Variants in GATA4 observed in about 807,000 individuals in gnomAD.
GATA4 encodes the protein transcription factor GATA-4.
A neutral mutation model predicts 37.9 loss-of-function variants in GATA4; 7 were observed. The ratio of observed to expected loss-of-function variants is 0.18; its 90% CI spans 0.11 to 0.35. The LOEUF is 0.35. Among genes scored for constraint, GATA4 ranks in the 10% least tolerant of loss-of-function variants. GATA4 has a pLI of 1.00. For synonymous variants in GATA4, 372 were observed against 292.6 expected (o/e 1.27, Z -2.77); for missense variants, 647 against 653.0 (o/e 0.99, Z 0.10).
intron 2 of GATA4, among the ~76,000 whole-genome samples, chr8:11,720,340 G>T (rs1285083624): frequency 2.0e-5 from 3 of 152,044 alleles, no homozygotes; most frequent in Admixed American, 2.0e-4. Context: ...TGCCTGCGTG[G>T]ACATCAAACT....
At chr8:11,704,057 G>A (rs1428572018), upstream of GATA4, 1 of 152,272 alleles carries the variant, frequency 6.6e-6, no homozygotes, top group Non-Finnish European at 1.5e-5. Flanking sequence ...CCTGCTGGGG[G>A]AGCTTTCCGC....
At chr8:11,692,846 G>A (rs1427953993) in intron 1 of GATA4, 4 of 980,116 alleles carry the variant, frequency 4.1e-6, no homozygotes, top group African/African-American at 1.8e-5. Flanking sequence ...GCGGCCGGCC[G>A]GGGGCTGACC....
At chr8:11,733,371 G>A (rs191542459) in intron 2 of GATA4, among the ~76,000 whole-genome samples, 1 of 152,292 alleles carries the variant, frequency 6.6e-6, no homozygotes, top group East Asian at 1.9e-4. Context: ...CTTAAGAAAG[G>A]GGAACTTGCC....
chr8:11,710,794 A>G (rs1800146786), intron 2 of GATA4, among the ~76,000 whole-genome samples: 1 of 151,950 alleles, frequency 6.6e-6, no homozygotes, highest in Admixed American at 6.6e-5. Flanking sequence ...AAAAGAGAGA[A>G]GTTAAAAGTC....
chr8:11,751,550 A>T (rs988558542), intron 4 of GATA4, among the ~76,000 whole-genome samples: 1 of 152,210 alleles, frequency 6.6e-6, no homozygotes, highest in South Asian at 2.1e-4. Flanking sequence ...TTAATTGTTC[A>T]AATACAAGTT....
At chr8:11,754,897 T>C in intron 4 of GATA4, 149 bp from the exon 5 acceptor site, 1 of 671,960 alleles carries the variant, frequency 1.5e-6, no homozygotes, top group South Asian at 1.6e-5. Flanking sequence ...TCTCGCTGAG[T>C]TCCAGGGGCC....
Position 11,708,080 on chromosome 8 carries a change from A to G in GATA4, c.-233A>G, listed in dbSNP as rs1249969739. The G allele has an allele frequency of 8.1e-6, 5 of 616,062 alleles. No individual in the cohort carries two copies. The highest frequency in any genetic ancestry group is 5.4e-5 in the South Asian group (3 of 55,376). 38.2% of individuals were successfully genotyped at this position (616,062 alleles called of 1,614,324 possible). Reference sequence around the variant, plus strand: ...CCTACATCAGCTTCCGGAACCACCAAAAATTCAAATTGGGATTTTCCGGAG... The same window carrying G: ...CCTACATCAGCTTCCGGAACCACCAGAAATTCAAATTGGGATTTTCCGGAG... On this transcript the variant is annotated 5_prime_UTR_variant, in exon 2 of 7. Transcript: ENST00000532059. The surrounding 1 kb of genome is among the most constrained non-coding windows in gnomAD (Gnocchi z 6.7).
At chr8:11,715,436 G>T (rs1311470807) in intron 2 of GATA4, among the ~76,000 whole-genome samples, 1 of 152,140 alleles carries the variant, frequency 6.6e-6, no homozygotes, top group Non-Finnish European at 1.5e-5. Flanking sequence ...GGAAGTTAAA[G>T]TTAAGTTTAA....
At chr8:11,683,067 C>T (rs1799025081) in intron 1 of GATA4, 1 of 985,336 alleles carries the variant, frequency 1.0e-6, no homozygotes. Context: ...TGTCTCTTAC[C>T]CCCTAGGTTT....
At chr8:11,691,462 C>T (rs183472929), upstream of GATA4, among the ~76,000 whole-genome samples, 18 of 152,288 alleles carry the variant, frequency 1.2e-4, no homozygotes, top group African/African-American at 4.3e-4. Context: ...CACCACAACC[C>T]GCTATGTTTT....
chr8:11,688,524 GCACA>G (rs56159918), upstream of GATA4, among the ~76,000 whole-genome samples: 89 of 149,636 alleles, frequency 5.9e-4, no homozygotes, highest in South Asian at 2.8e-3. Flanking sequence ...GTGCGCGCAT[GCACA>G]CACACACACA....
upstream of GATA4, among the ~76,000 whole-genome samples, chr8:11,702,281 C>T (rs1799702302): frequency 6.6e-6 from 1 of 152,082 alleles, no homozygotes; most frequent in South Asian, 2.1e-4. This position sits in a 1 kb window ranked among gnomAD's most constrained non-coding sequence, Gnocchi z 4.4. Context: ...CAGACTCAGC[C>T]CTTTTCGCCC....
intron 5 of GATA4, among the ~76,000 whole-genome samples, chr8:11,755,909 TAA>T (rs34801514): frequency 9.0e-5 from 13 of 143,758 alleles, no homozygotes; most frequent in Non-Finnish European, 9.2e-5. Context: ...ACCCTGTCTT[TAA>T]AAAAAAAAAA....
chr8:11,727,578 C>A (rs755062539), intron 2 of GATA4, among the ~76,000 whole-genome samples: 2 of 152,024 alleles, frequency 1.3e-5, no homozygotes, highest in African/African-American at 2.4e-5. Context: ...TGCGGTGGCT[C>A]ACACCTGTAA....
In GATA4 at chr8:11,709,575, C is replaced by CGGGGGGGGG. The variant is rs780683869; in HGVS notation, c.616+650_616+658dup. ...GCGCGTGGGCGCATCATGCGGGCAGCGGGGGGGGGGGCGCACACGCCCGGT... is the reference window on the plus strand; with the variant it reads ...GCGCGTGGGCGCATCATGCGGGCAGCGGGGGGGGGGGGGGGGGGGGCGCACACGCCCGGT... On this transcript the variant is annotated intron_variant, in intron 2 of 6. Coordinates refer to ENST00000532059, the MANE Select transcript of GATA4 (RefSeq NM_001308093.3). This position sits in a 1 kb window ranked among gnomAD's most constrained non-coding sequence, Gnocchi z 4.3. Among the ~76,000 whole-genome samples the CGGGGGGGGG allele has an allele frequency of 5.3e-5, 5 of 93,854 alleles. No individual in the cohort carries two copies. The highest frequency in any genetic ancestry group is 3.4e-4 in the African/African-American group (5 of 14,594). The allele number at this position is 93,854 out of a possible 152,430, so 61.6% of individuals were successfully genotyped here. A position where few individuals can be genotyped will look rare whatever the true frequency, so the allele number is the denominator to read the frequency against.
upstream of GATA4, among the ~76,000 whole-genome samples, chr8:11,703,152 C>G (rs567582526): frequency 3.3e-5 from 5 of 151,808 alleles, no homozygotes; most frequent in East Asian, 1.9e-4. Flanking sequence ...TTGAGAAGCC[C>G]GTGCTGGAGA....
intron 5 of GATA4, among the ~76,000 whole-genome samples, chr8:11,755,700 A>G (rs917629508): frequency 6.6e-6 from 1 of 152,224 alleles, no homozygotes; most frequent in Non-Finnish European, 1.5e-5. Context: ...CATAGAGGAC[A>G]ATGATTTAAC....
At chr8:11,704,327 C>G (rs1225729086) in intron 1 of GATA4, 23 bp downstream of exon 1, 1 of 152,310 alleles carries the variant, frequency 6.6e-6, no homozygotes. Context: ...TCTTCCCTTT[C>G]TTTGCTCCTT....
chr8:11,690,070 T>C (rs1799261138), upstream of GATA4, among the ~76,000 whole-genome samples: 1 of 152,212 alleles, frequency 6.6e-6, no homozygotes, highest in Admixed American at 6.5e-5. Context: ...ATACCAGGGC[T>C]CCACATCAGT....
Sources: allele counts gnomAD v4.1 joint callset (sites outside exome capture counted in the v4.1 genomes callset), GRCh38; gene constraint gnomAD v4.1.1; non-coding constraint Gnocchi (gnomAD v3.1); transcripts MANE v1.5; gene names NCBI Gene and HGNC (gene_info 2026-07-23, HGNC 2026-07-21).